The following TNNI3K variants were observed in gnomAD, a reference collection of about 807,000 sequenced individuals.
TNNI3K encodes the protein serine/threonine-protein kinase TNNI3K.
In TNNI3K, 140 loss-of-function variants were observed where a neutral mutation model predicts 114.5. That is an observed-to-expected ratio of 1.22 (90% CI 1.07 to 1.41). TNNI3K has a LOEUF of 1.41. TNNI3K is among the 40% of genes most tolerant of loss of function. The probability of loss-of-function intolerance (pLI) is 0.00; values close to 1 mark genes in which losing one functional copy is unlikely to be tolerated. For missense variants in TNNI3K, 1,125 were observed against 1,007.6 expected, an observed-to-expected ratio of 1.12 and a Z score of -1.58; for synonymous variants, 347 against 347.5, an observed-to-expected ratio of 1.00 and a Z score of 0.02.
chr1:74,332,854 A>C (rs1660276687), intron 6 of TNNI3K, among the ~76,000 whole-genome samples: 1 of 151,970 alleles, frequency 6.6e-6, no homozygotes, highest in Non-Finnish European at 1.5e-5. Context: ...CTAACTCTAA[A>C]GTCTGCTGAT....
chr1:74,372,092 G>GAAA (rs61241236), intron 17 of TNNI3K: 16 of 135,234 alleles, frequency 1.2e-4, no homozygotes, highest in African/African-American at 3.4e-4. Context: ...TAGTTTTTAA[G>GAAA]AAAAAAAAAA....
At chr1:74,543,513 C>T (rs561918574) in intron 24 of TNNI3K, among the ~76,000 whole-genome samples, 3 of 152,110 alleles carry the variant, frequency 2.0e-5, no homozygotes, top group South Asian at 2.1e-4. Context: ...ATGAACACAC[C>T]GAGGCATAGA....
intron 17 of TNNI3K, chr1:74,373,935 G>A (rs1557528702): frequency 6.6e-6 from 1 of 151,886 alleles, no homozygotes; most frequent in Non-Finnish European, 1.5e-5. Context: ...GACCTCTCAT[G>A]GATACCAAAG....
intron 20 of TNNI3K, among the ~76,000 whole-genome samples, chr1:74,440,839 T>C (rs1311901553): frequency 6.6e-6 from 1 of 152,158 alleles, no homozygotes; most frequent in African/African-American, 2.4e-5. Context: ...TCTTAGAGTG[T>C]GCATCCTGAT....
chr1:74,431,244 A>G (rs180706410), intron 17 of TNNI3K, among the ~76,000 whole-genome samples: 5 of 152,230 alleles, frequency 3.3e-5, no homozygotes, highest in African/African-American at 1.2e-4. Flanking sequence ...AGCAAAAACT[A>G]GGTATTAAGC....
chr1:74,325,416 A>G (rs1447228353), intron 5 of TNNI3K, among the ~76,000 whole-genome samples: 2 of 152,180 alleles, frequency 1.3e-5, no homozygotes, highest in Admixed American at 6.5e-5. Flanking sequence ...ATTGTCATAC[A>G]TGGCAGGTAT....
intron 17 of TNNI3K, among the ~76,000 whole-genome samples, chr1:74,425,995 C>T (rs1665620865): frequency 2.5e-5 from 1 of 39,290 alleles, no homozygotes; most frequent in Non-Finnish European, 4.7e-5. Flanking sequence ...CTGAAAGGTT[C>T]AGTGAATTTA....
intron 17 of TNNI3K, chr1:74,374,542 A>G (rs1284313299): frequency 1.3e-5 from 2 of 151,934 alleles, no homozygotes; most frequent in African/African-American, 4.8e-5. Context: ...AGCAATATTT[A>G]TCAGCCTTAC....
chr1:74,451,688 TTTCTTTCTTTC>T (rs1304758688), intron 20 of TNNI3K, among the ~76,000 whole-genome samples: 51 of 34,354 alleles, frequency 1.5e-3, no homozygotes, highest in Admixed American at 3.1e-3. Flanking sequence ...TTTTCTTTTC[TTTCTTTCTTTC>T]TTTCTTTCTT....
chr1:74,400,611 A>G (rs1664310006), intron 17 of TNNI3K, among the ~76,000 whole-genome samples: 1 of 152,130 alleles, frequency 6.6e-6, no homozygotes, highest in African/African-American at 2.4e-5. Flanking sequence ...GCTCTTTCCC[A>G]CCTTGCAGAA....
At chr1:74,292,554 G>A (rs1657746179) in intron 5 of TNNI3K, among the ~76,000 whole-genome samples, 1 of 151,540 alleles carries the variant, frequency 6.6e-6, no homozygotes, top group Non-Finnish European at 1.5e-5. Context: ...TGTACTGTAA[G>A]CAAAGAACTT....
intron 5 of TNNI3K, among the ~76,000 whole-genome samples, chr1:74,292,477 GA>G (rs1657743554): frequency 6.6e-6 from 1 of 151,432 alleles, no homozygotes; most frequent in South Asian, 2.1e-4. Context: ...AAATTATTTA[GA>G]AGTAGGTTTC....
At chr1:74,469,480 AC>A (rs1364757250) in intron 21 of TNNI3K, 1 of 155,810 alleles carries the variant, frequency 6.4e-6, no homozygotes, top group African/African-American at 2.4e-5. Flanking sequence ...ATATTGTAAT[AC>A]CACTAATTGA....
At chr1:74,471,184 T>C in intron 21 of TNNI3K, 2 of 400,676 alleles carry the variant, frequency 5.0e-6, no homozygotes, top group Non-Finnish European at 8.8e-6. Context: ...TACACGCAAG[T>C]TGTTAGCACT....
chr1:74,371,190 A>G (rs1421251848), intron 17 of TNNI3K: 4 of 152,010 alleles, frequency 2.6e-5, no homozygotes. Context: ...TAGATTGTGT[A>G]TATAGTCCTT....
intron 23 of TNNI3K, among the ~76,000 whole-genome samples, chr1:74,531,453 C>CAGAGGAAAGGTGGGCTA (rs1553156308): frequency 6.6e-6 from 1 of 151,988 alleles, no homozygotes; most frequent in Non-Finnish European, 1.5e-5. Flanking sequence ...CTCTTTAGGC[C>CAGAGGAAAGGTGGGCTA]AGAGGAAAGG....
At chr1:74,486,249 G>T (rs1668760267) in intron 21 of TNNI3K, among the ~76,000 whole-genome samples, 1 of 146,468 alleles carries the variant, frequency 6.8e-6, no homozygotes, top group Non-Finnish European at 1.5e-5. Context: ...AAATATACTA[G>T]TTCCTTTCTT....
rs201476324 is a variant in TNNI3K, at chr1:74,436,094, T to C, written c.1787T>C (p.Leu596Pro). Residue 596 changes from leucine (L) to proline (P), a missense_variant, in exon 18 of 25, where the codon CTC (leucine) becomes CCC (proline). Coordinates refer to ENST00000326637, the MANE Select transcript of TNNI3K (RefSeq NM_015978.3). ...HRDLNSHNILLYEDGHAVVAD... is the reference protein window; with the variant it reads ...HRDLNSHNILPYEDGHAVVAD... ...TTTTTTTACAGTCACAATATTCTTC[T>C]CTATGAGGATGGGCATGCTGTGGTG... 3.1e-6 allele frequency: 5 copies of C among 1,605,908 alleles called. No individual in the cohort carries two copies. The highest frequency in any genetic ancestry group is 4.2e-6 in the Non-Finnish European group (5 of 1,177,322).
chr1:74,460,970 G>A (rs1185108958), intron 20 of TNNI3K, among the ~76,000 whole-genome samples: 1 of 152,206 alleles, frequency 6.6e-6, no homozygotes, highest in Non-Finnish European at 1.5e-5. Flanking sequence ...ACCTGCATCA[G>A]AGTTTAACTC....
Sources: gnomAD v4.1 joint callset for allele counts (sites outside exome capture counted in the v4.1 genomes callset) on GRCh38, gnomAD v4.1.1 for gene constraint, MANE v1.5 for transcripts, NCBI Gene and HGNC (gene_info 2026-07-23, HGNC 2026-07-21) for gene names.